Variants in ASIC2 observed in about 807,000 individuals in gnomAD.
The protein encoded by ASIC2 is acid sensing ion channel subunit 2.
ASIC2 carries 25 observed loss-of-function variants against 57.3 expected under a neutral mutation model. That is an observed-to-expected ratio of 0.44 (90% confidence interval 0.32 to 0.61). ASIC2 has a LOEUF of 0.61. Among genes scored for constraint, ASIC2 ranks in the 20% least tolerant of loss-of-function variants. The pLI, the probability that ASIC2 is intolerant of heterozygous loss-of-function variation, is 0.06. For synonymous variants in ASIC2, 319 were observed against 307.5 expected (o/e 1.04, Z -0.39); for missense variants, 641 against 738.1 (o/e 0.87, Z 1.52).
intron 1 of ASIC2, among the ~76,000 whole-genome samples, chr17:33,578,637 C>T (rs980067329): frequency 6.6e-6 from 1 of 152,052 alleles, no homozygotes; most frequent in Non-Finnish European, 1.5e-5. Flanking sequence ...GTCACTATGT[C>T]ATTAGACTCC....
chr17:33,847,510 A>G (rs573251735), intron 1 of ASIC2, among the ~76,000 whole-genome samples: 4 of 152,238 alleles, frequency 2.6e-5, no homozygotes, highest in East Asian at 1.9e-4. Flanking sequence ...CTAGGCACAC[A>G]TAAACCTTTG....
At chr17:33,045,181 G>T (rs940521289) in intron 3 of ASIC2, among the ~76,000 whole-genome samples, 2 of 152,100 alleles carry the variant, frequency 1.3e-5, no homozygotes, top group East Asian at 1.9e-4. Context: ...GCACTAGTAG[G>T]TATCACCCTT....
At position 33,111,990 on chromosome 17, in the gene ASIC2, C is replaced by T; in HGVS notation, c.786G>A (p.Gly262=). 1 of 1,614,024 alleles carries T rather than the reference C, an allele frequency of 6.2e-7. No homozygotes were observed. The highest frequency in any genetic ancestry group is 1.1e-5 in the South Asian group (1 of 91,058). Residue 262 remains glycine (G), a synonymous_variant, in exon 2 of 10, where the codon GGG becomes GGA. Transcript: ENST00000225823. ...TGATCTCCAGCCCGTTGCCTGTCCC[C>T]CCCTTGACCGTGGTGAGCAGAGGTT... ...DGKPLLTTVK[G]GTGNGLEIML...
chr17:34,079,735 C>T (rs1284466986), intron 1 of ASIC2, among the ~76,000 whole-genome samples: 2 of 152,304 alleles, frequency 1.3e-5, no homozygotes, highest in East Asian at 3.9e-4. Context: ...TAAGGAAATG[C>T]TCTCAAATTT....
At chr17:34,094,977 G>A (rs1385566006) in intron 1 of ASIC2, among the ~76,000 whole-genome samples, 1 of 152,196 alleles carries the variant, frequency 6.6e-6, no homozygotes, top group Non-Finnish European at 1.5e-5. Flanking sequence ...ATTTTCTGGA[G>A]GAAAGCATAT....
At chr17:33,935,277 C>A (rs560480115) in intron 1 of ASIC2, among the ~76,000 whole-genome samples, 1 of 152,330 alleles carries the variant, frequency 6.6e-6, no homozygotes, top group Admixed American at 6.5e-5. Flanking sequence ...CTCGGACAGT[C>A]AGTTGCTCTT....
chr17:33,867,956 T>C (rs982561877), intron 1 of ASIC2, among the ~76,000 whole-genome samples: 10 of 152,214 alleles, frequency 6.6e-5, no homozygotes, highest in African/African-American at 2.2e-4. Flanking sequence ...AGATGATGCA[T>C]GCAAGTGGCA....
intron 1 of ASIC2, chr17:34,001,667 G>C (rs988080277): frequency 1.3e-5 from 2 of 152,296 alleles, no homozygotes; most frequent in East Asian, 3.9e-4. Context: ...ATGGATGATC[G>C]CTTCACTCTT....
At chr17:33,232,493 T>C (rs868335713) in intron 1 of ASIC2, among the ~76,000 whole-genome samples, 36 of 147,148 alleles carry the variant, frequency 2.4e-4, no homozygotes, top group Middle Eastern at 3.5e-3. Flanking sequence ...TGGTATGGTA[T>C]GGTACGGTAT....
At chr17:33,538,228 G>A (rs936167061) in intron 1 of ASIC2, among the ~76,000 whole-genome samples, 3 of 152,162 alleles carry the variant, frequency 2.0e-5, no homozygotes, top group African/African-American at 4.8e-5. Context: ...AGCAGGGTAT[G>A]GAAGCTAAAC....
intron 1 of ASIC2, among the ~76,000 whole-genome samples, chr17:33,290,047 C>T (rs1905357096): frequency 6.6e-6 from 1 of 152,150 alleles, no homozygotes; most frequent in African/African-American, 2.4e-5. Context: ...AGGGAGCCAT[C>T]AGGTAGATAT....
chr17:34,090,770 T>C (rs1035458811), intron 1 of ASIC2, among the ~76,000 whole-genome samples: 15 of 152,148 alleles, frequency 9.9e-5, no homozygotes, highest in Admixed American at 9.8e-4. Flanking sequence ...CCAAAAGTAC[T>C]CAGCCAGAGA....
intron 1 of ASIC2, among the ~76,000 whole-genome samples, chr17:33,684,634 C>T (rs912969452): frequency 5.3e-5 from 8 of 152,204 alleles, no homozygotes; most frequent in East Asian, 1.9e-4. Flanking sequence ...TAAGCTAAAA[C>T]GAATATAATA....
At chr17:33,814,913 T>G (rs776665221) in intron 1 of ASIC2, among the ~76,000 whole-genome samples, 2 of 152,178 alleles carry the variant, frequency 1.3e-5, no homozygotes, top group African/African-American at 2.4e-5. Flanking sequence ...CAATGTCTAG[T>G]ATATAGATGT....
intron 1 of ASIC2, among the ~76,000 whole-genome samples, chr17:33,877,887 C>T (rs1180485295): frequency 6.6e-6 from 1 of 152,204 alleles, no homozygotes; most frequent in Non-Finnish European, 1.5e-5. Context: ...CCTCACACAG[C>T]TGGGTACTCC....
At chr17:33,591,331 G>A (rs1490187852) in intron 1 of ASIC2, among the ~76,000 whole-genome samples, 1 of 152,122 alleles carries the variant, frequency 6.6e-6, no homozygotes, top group Admixed American at 6.5e-5. Flanking sequence ...AGTTAGTAGG[G>A]GTCCAGTTTC....
intron 1 of ASIC2, among the ~76,000 whole-genome samples, chr17:33,490,205 C>T (rs749558424): frequency 2.0e-5 from 3 of 152,214 alleles, no homozygotes; most frequent in South Asian, 4.1e-4. Flanking sequence ...GACTGTATGG[C>T]CTGCAAGGCC....
At chr17:33,093,387 G>A (rs1046152657) in intron 2 of ASIC2, among the ~76,000 whole-genome samples, 1 of 139,964 alleles carries the variant, frequency 7.1e-6, no homozygotes, top group Admixed American at 7.0e-5. Flanking sequence ...GACAGTGAAT[G>A]ATTTGTTTAC....
chr17:33,077,250 AC>A (rs1455460547), intron 3 of ASIC2, among the ~76,000 whole-genome samples: 1 of 152,114 alleles, frequency 6.6e-6, no homozygotes, highest in Admixed American at 6.5e-5. Context: ...CTATTTCAAA[AC>A]ACACAGCACA....
Sources: gnomAD v4.1 joint callset for allele counts (sites outside exome capture counted in the v4.1 genomes callset) on GRCh38, gnomAD v4.1.1 for gene constraint, MANE v1.5 for transcripts, NCBI Gene and HGNC (gene_info 2026-07-23, HGNC 2026-07-21) for gene names.